Variants in C1orf185 observed in about 807,000 individuals in gnomAD.
C1orf185 encodes chromosome 1 open reading frame 185, also known as uncharacterized protein C1orf185.
C1orf185 carries 13 observed loss-of-function variants against 16.1 expected under a neutral mutation model. The observed-to-expected ratio is 0.81, with a 90% CI of 0.53 to 1.28. The LOEUF (loss-of-function observed/expected upper bound fraction) is 1.28. Among genes scored for constraint, C1orf185 ranks in the 50% most tolerant of loss-of-function variants. The probability of loss-of-function intolerance (pLI) is 0.00; values close to 1 mark genes in which losing one functional copy is unlikely to be tolerated. For missense variants in C1orf185, 220 were observed against 225.2 expected (o/e 0.98, Z 0.15); for synonymous variants, 80 against 76.9 (o/e 1.04, Z -0.21).
At chr1:51,123,074 A>G (rs1408435335) in intron 3 of C1orf185, among the ~76,000 whole-genome samples, 1 of 152,122 alleles carries the variant, frequency 6.6e-6, no homozygotes, top group Non-Finnish European at 1.5e-5. Flanking sequence ...TCTTTCTGGT[A>G]GGATTTCTGC....
At chr1:51,137,592 C>A (rs373921501) in intron 3 of C1orf185, among the ~76,000 whole-genome samples, 1 of 152,100 alleles carries the variant, frequency 6.6e-6, no homozygotes, top group African/African-American at 2.4e-5. Flanking sequence ...GGAACTCTTA[C>A]ACACTGTTAT....
rs1007773993 is a variant in C1orf185 at position 51,148,016 on chromosome 1, A to G, written c.*245A>G. The G allele has an allele frequency of 2.8e-6, 1 of 362,202 alleles. No individual in the cohort carries two copies. The highest frequency in any genetic ancestry group is 4.2e-5 in the Admixed American group (1 of 23,742). 22.4% of individuals were successfully genotyped at this position (362,202 alleles called of 1,614,324 possible). ...AATTAGGAAGAACTAGAGTGATGTC[A>G]TGAACATTAAGCTTAACTTATTGTA... is the stretch of plus-strand genomic sequence containing the variant. On this transcript the variant is annotated 3_prime_UTR_variant, in exon 5 of 5. Coordinates refer to ENST00000371759, the MANE Select transcript of C1orf185 (RefSeq NM_001136508.2).
intron 3 of C1orf185, chr1:51,129,616 T>G (rs2148023148): frequency 6.6e-6 from 1 of 152,338 alleles, no homozygotes; most frequent in South Asian, 2.1e-4. Context: ...TTCAGGCTGC[T>G]ATAACAAAAA....
At chr1:51,144,826 A>T (rs1341170934) in intron 3 of C1orf185, among the ~76,000 whole-genome samples, 1 of 152,216 alleles carries the variant, frequency 6.6e-6, no homozygotes, top group Non-Finnish European at 1.5e-5. Context: ...CTCCCAGAAC[A>T]TAAGACGTGA....
intron 3 of C1orf185, among the ~76,000 whole-genome samples, chr1:51,134,796 A>G (rs1486698767): frequency 6.6e-6 from 1 of 152,218 alleles, no homozygotes; most frequent in Non-Finnish European, 1.5e-5. Flanking sequence ...ACACTGAACC[A>G]GGAAGAAATT....
At chr1:51,119,788 A>T (rs1429048499) in intron 3 of C1orf185, among the ~76,000 whole-genome samples, 1 of 152,150 alleles carries the variant, frequency 6.6e-6, no homozygotes, top group East Asian at 1.9e-4. Flanking sequence ...TGACAGCAAG[A>T]CCCTGTCTCA....
intron 3 of C1orf185, among the ~76,000 whole-genome samples, chr1:51,132,653 A>T (rs1646294098): frequency 6.6e-6 from 1 of 152,308 alleles, no homozygotes; most frequent in African/African-American, 2.4e-5. Context: ...GAATGGAACC[A>T]ATGTGGAAAA....
chr1:51,136,417 C>CAA (rs1215802152), intron 3 of C1orf185, among the ~76,000 whole-genome samples: 1 of 149,438 alleles, frequency 6.7e-6, no homozygotes, highest in African/African-American at 2.5e-5. Flanking sequence ...CTCACTGAAA[C>CAA]AAAAAAGAGC....
At chr1:51,145,479 T>C (rs1049397157) in intron 3 of C1orf185, among the ~76,000 whole-genome samples, 1 of 152,166 alleles carries the variant, frequency 6.6e-6, no homozygotes, top group Non-Finnish European at 1.5e-5. Context: ...ATGAATCCTA[T>C]TTGAACTGTT....
At chr1:51,122,158 G>C (rs563359119) in intron 3 of C1orf185, among the ~76,000 whole-genome samples, 1 of 152,016 alleles carries the variant, frequency 6.6e-6, no homozygotes, top group African/African-American at 2.4e-5. Flanking sequence ...CAAATTTTCT[G>C]TGGTTTACAT....
chr1:51,150,677 C>T (rs904412463), downstream of C1orf185, among the ~76,000 whole-genome samples: 2 of 152,158 alleles, frequency 1.3e-5, no homozygotes, highest in African/African-American at 4.8e-5. Context: ...ACTCTTTATG[C>T]AAGCTGACAA....
intron 1 of C1orf185, 178 bp downstream of exon 1, chr1:51,102,427 G>T (rs1367783670): frequency 2.4e-6 from 1 of 414,006 alleles, no homozygotes; most frequent in East Asian, 3.5e-5. Context: ...TTTTCTTTGG[G>T]GGAAATTTTG....
At chr1:51,135,973 CT>C (rs1255169772) in intron 3 of C1orf185, among the ~76,000 whole-genome samples, 1 of 152,156 alleles carries the variant, frequency 6.6e-6, no homozygotes, top group African/African-American at 2.4e-5. Context: ...AGGATACAAA[CT>C]CAATGTGCAA....
intron 1 of C1orf185, among the ~76,000 whole-genome samples, chr1:51,104,106 T>G (rs957315280): frequency 6.6e-6 from 1 of 152,220 alleles, no homozygotes; most frequent in Non-Finnish European, 1.5e-5. Flanking sequence ...AGGATTATTC[T>G]TATTTTAAAC....
At chr1:51,131,861 G>C (rs1001178913) in intron 3 of C1orf185, among the ~76,000 whole-genome samples, 5 of 152,120 alleles carry the variant, frequency 3.3e-5, no homozygotes, top group African/African-American at 1.2e-4. Context: ...ACCCATTAGA[G>C]TGTAGTGACC....
intron 3 of C1orf185, among the ~76,000 whole-genome samples, chr1:51,127,458 T>C (rs1432124826): frequency 6.6e-6 from 1 of 152,082 alleles, no homozygotes; most frequent in East Asian, 1.9e-4. Context: ...CAGCTAATTT[T>C]GTATTTTTAG....
chr1:51,125,125 G>A (rs1329782657), intron 3 of C1orf185, among the ~76,000 whole-genome samples: 1 of 152,206 alleles, frequency 6.6e-6, no homozygotes, highest in African/African-American at 2.4e-5. Flanking sequence ...GCGGTTGGAA[G>A]CCTTGTGCCA....
intron 3 of C1orf185, among the ~76,000 whole-genome samples, chr1:51,137,744 A>G (rs545170817): frequency 2.0e-5 from 3 of 152,296 alleles, no homozygotes; most frequent in Non-Finnish European, 2.9e-5. Flanking sequence ...ATAAAGACAC[A>G]TGCATGTGTA....
chr1:51,107,562 T>C (rs1290811800), intron 1 of C1orf185, among the ~76,000 whole-genome samples: 1 of 152,110 alleles, frequency 6.6e-6, no homozygotes, highest in African/African-American at 2.4e-5. Flanking sequence ...AATATACATT[T>C]ATAGAACTTG....
Sources: gnomAD v4.1 joint callset for allele counts (sites outside exome capture counted in the v4.1 genomes callset) on GRCh38, gnomAD v4.1.1 for gene constraint, MANE v1.5 for transcripts, NCBI Gene and HGNC (gene_info 2026-07-23, HGNC 2026-07-21) for gene names.